PHF24: variants seen among roughly 807,000 people sequenced by gnomAD.
The protein encoded by PHF24 is Galpha inhibitory interacting protein.
A neutral mutation model predicts 42.6 loss-of-function variants in PHF24; 25 were observed. That is an observed-to-expected ratio of 0.59 (90% CI 0.43 to 0.82). PHF24 has a LOEUF of 0.82. Ranked by LOEUF, PHF24 falls within the 40% of genes least tolerant of loss-of-function variation. The pLI, the probability that PHF24 is intolerant of heterozygous loss-of-function variation, is 0.00. For missense variants in PHF24, 470 were observed against 538.1 expected, an observed-to-expected ratio of 0.87 and a Z score of 1.25; for synonymous variants, 185 against 204.8, an observed-to-expected ratio of 0.90 and a Z score of 0.83.
chr9:34,759,775 A>G, the PHF24 span, among the ~76,000 whole-genome samples: 3 of 151,930 alleles, frequency 2.0e-5, no homozygotes, highest in Non-Finnish European at 2.9e-5. Flanking sequence ...CTGCCCTCCC[A>G]CCAAATCATT....
chr9:34,825,665 C>A, the PHF24 span, among the ~76,000 whole-genome samples: 12 of 150,480 alleles, frequency 8.0e-5, no homozygotes, highest in African/African-American at 3.0e-4. Flanking sequence ...GTTCATGAGT[C>A]CAAGAACACC....
chr9:34,829,324 T>C, the PHF24 span, among the ~76,000 whole-genome samples: 1 of 152,158 alleles, frequency 6.6e-6, no homozygotes, highest in Non-Finnish European at 1.5e-5. Context: ...GAGTTCATTT[T>C]TGTATAGGTT....
the PHF24 span, among the ~76,000 whole-genome samples, chr9:34,716,933 T>C: frequency 1.3e-5 from 2 of 152,134 alleles, no homozygotes; most frequent in African/African-American, 4.8e-5. Context: ...CAAGCTAGTC[T>C]GGAGAGGGAC....
the PHF24 span, among the ~76,000 whole-genome samples, chr9:34,774,439 A>G: frequency 6.6e-6 from 1 of 152,216 alleles, no homozygotes; most frequent in East Asian, 1.9e-4. Flanking sequence ...AACATGGGAA[A>G]AAGACTTGAG....
the PHF24 span, chr9:34,709,739 C>T: frequency 1.1e-5 from 17 of 1,613,648 alleles, no homozygotes; most frequent in Middle Eastern, 1.6e-4. Context: ...CTCCCCACCC[C>T]GTCACCAGCC....
chr9:34,677,389 G>GTTTTTTTTTTT, the PHF24 span, among the ~76,000 whole-genome samples: 21 of 79,776 alleles, frequency 2.6e-4, 2 homozygotes, highest in African/African-American at 2.9e-4. Context: ...TTTGTAAACT[G>GTTTTTTTTTTT]TTTTTTTTTT....
chr9:34,872,414 A>G, the PHF24 span, among the ~76,000 whole-genome samples: 4 of 132,252 alleles, frequency 3.0e-5, no homozygotes, highest in African/African-American at 1.1e-4. Flanking sequence ...TGTCCATGTG[A>G]TCTCATTGTT....
At chr9:34,735,912 G>T in the PHF24 span, among the ~76,000 whole-genome samples, 1 of 152,042 alleles carries the variant, frequency 6.6e-6, no homozygotes, top group Non-Finnish European at 1.5e-5. Flanking sequence ...TATGTTAAAC[G>T]ATCTAGTGGA....
At chr9:34,708,901 G>T in the PHF24 span, 82 of 165,934 alleles carry the variant, frequency 4.9e-4, 1 homozygote, top group Admixed American at 4.4e-3. Context: ...TGGGGTAGAT[G>T]AGAACATAGC....
At chr9:34,707,234 G>A in the PHF24 span, among the ~76,000 whole-genome samples, 1 of 152,186 alleles carries the variant, frequency 6.6e-6, no homozygotes, top group African/African-American at 2.4e-5. Flanking sequence ...TGTCTCAAAT[G>A]TGGAGTCTAG....
At chr9:34,693,692 T>C in the PHF24 span, among the ~76,000 whole-genome samples, 2 of 152,238 alleles carry the variant, frequency 1.3e-5, no homozygotes, top group South Asian at 2.1e-4. Context: ...ATTAAAAAAA[T>C]TGAAGAAATA....
the PHF24 span, among the ~76,000 whole-genome samples, chr9:34,883,004 AC>A: frequency 6.6e-6 from 1 of 152,232 alleles, no homozygotes; most frequent in African/African-American, 2.4e-5. Context: ...TGATACTGGT[AC>A]CAAAACAGAG....
the PHF24 span, among the ~76,000 whole-genome samples, chr9:34,830,563 T>A: frequency 4.4e-3 from 664 of 152,260 alleles, 2 homozygotes; most frequent in Non-Finnish European, 7.8e-3. Flanking sequence ...AATATGAGTA[T>A]GATGGCCATT....
At chr9:34,910,891 T>C in the PHF24 span, among the ~76,000 whole-genome samples, 1 of 151,978 alleles carries the variant, frequency 6.6e-6, no homozygotes, top group Non-Finnish European at 1.5e-5. Context: ...GGCAGGAACA[T>C]AGCTTACTAC....
At chr9:34,710,405 G>A in the PHF24 span, among the ~76,000 whole-genome samples, 2 of 150,716 alleles carry the variant, frequency 1.3e-5, no homozygotes, top group Non-Finnish European at 2.9e-5. Flanking sequence ...TCCTCACTAC[G>A]CTCCAGGATC....
chr9:34,870,195 T>G, the PHF24 span, among the ~76,000 whole-genome samples: 1 of 152,178 alleles, frequency 6.6e-6, no homozygotes, highest in African/African-American at 2.4e-5. Flanking sequence ...TTTCCACTGA[T>G]GAACCTACAT....
At chr9:34,671,807 T>TC in the PHF24 span, among the ~76,000 whole-genome samples, 2 of 149,822 alleles carry the variant, frequency 1.3e-5, no homozygotes, top group African/African-American at 2.5e-5. Context: ...TTTTTCTGCC[T>TC]CATCCATCCA....
At chr9:34,960,306 C>G (rs988271260) in intron 1 of PHF24, among the ~76,000 whole-genome samples, 1 of 152,206 alleles carries the variant, frequency 6.6e-6, no homozygotes, top group African/African-American at 2.4e-5. Flanking sequence ...CTTCCTTTGG[C>G]TCCTGGAATT....
the PHF24 span, among the ~76,000 whole-genome samples, chr9:34,693,917 T>A: frequency 2.6e-5 from 4 of 152,278 alleles, no homozygotes; most frequent in East Asian, 5.8e-4. Flanking sequence ...TTAGCTTTTC[T>A]TATGGGCAGA....
Sources: gnomAD v4.1 joint callset for allele counts (sites outside exome capture counted in the v4.1 genomes callset) on GRCh38, gnomAD v4.1.1 for gene constraint, MANE v1.5 for transcripts, NCBI Gene and HGNC (gene_info 2026-07-23, HGNC 2026-07-21) for gene names.